The following DGKD variants were observed in gnomAD, a reference collection of about 807,000 sequenced individuals.
DGKD encodes diacylglycerol kinase delta.
DGKD carries 68 observed loss-of-function variants against 154.4 expected under a neutral mutation model. That is an observed-to-expected ratio of 0.44 (90% CI 0.36 to 0.54). The LOEUF (loss-of-function observed/expected upper bound fraction) is 0.54. Among genes scored for constraint, DGKD ranks in the 20% least tolerant of loss-of-function variants. The probability of loss-of-function intolerance (pLI) is 0.00; values close to 1 mark genes in which losing one functional copy is unlikely to be tolerated. For missense variants in DGKD, 1,343 were observed against 1,593.6 expected (o/e 0.84, Z 2.68); for synonymous variants, 693 against 638.0 (o/e 1.09, Z -1.30).
chr2:233,436,129 C>T (rs572812006), intron 6 of DGKD, among the ~76,000 whole-genome samples, 187 bp from the exon 7 acceptor site: 2 of 152,354 alleles, frequency 1.3e-5, no homozygotes, highest in East Asian at 3.9e-4. Flanking sequence ...GTCTTGTTTG[C>T]ACCTCCGACA....
At chr2:233,412,033 AG>A (rs1317303765) in intron 3 of DGKD, among the ~76,000 whole-genome samples, 3 of 152,198 alleles carry the variant, frequency 2.0e-5, no homozygotes, top group African/African-American at 2.4e-5. Flanking sequence ...GTAGTTTTAT[AG>A]GAAGTGTTGA....
intron 3 of DGKD, among the ~76,000 whole-genome samples, chr2:233,399,074 T>C (rs2061494973): frequency 6.6e-6 from 1 of 152,254 alleles, no homozygotes; most frequent in African/African-American, 2.4e-5. Flanking sequence ...GATTAATTTT[T>C]ATTGCCTCAT....
chr2:233,400,546 T>G (rs143621979), intron 3 of DGKD, among the ~76,000 whole-genome samples: 2,610 of 152,352 alleles, frequency 0.017, 30 homozygotes, highest in South Asian at 0.041. Flanking sequence ...GCCTCTCCTC[T>G]CACGGCTCTC....
chr2:233,377,078 C>CTTTTTTTTTT (rs755610624), intron 1 of DGKD, among the ~76,000 whole-genome samples: 3 of 129,314 alleles, frequency 2.3e-5, no homozygotes, highest in Admixed American at 7.8e-5. Context: ...TAGCATGTTC[C>CTTTTTTTTTT]TTTTTTTTTT....
chr2:233,460,536 T>C (rs1009145811), intron 24 of DGKD, among the ~76,000 whole-genome samples, 191 bp downstream of exon 24: 1 of 152,220 alleles, frequency 6.6e-6, no homozygotes. Flanking sequence ...AGAACTCGCC[T>C]GGAGTTTACA....
intron 3 of DGKD, among the ~76,000 whole-genome samples, chr2:233,418,868 T>C (rs1271503969): frequency 6.6e-6 from 1 of 152,230 alleles, no homozygotes; most frequent in Non-Finnish European, 1.5e-5. Context: ...TCTGACACAG[T>C]GCTGTGCGGA....
chr2:233,449,592 C>T lies in DGKD; in HGVS notation c.1888+216C>T, dbSNP rs1286315838. The stretch of plus-strand genomic sequence containing the variant: ...CAGACCCCTTCATGCTGCCTCCCCT[C>T]GACCTCTTTCCTGGCCCTCATTGAC... On this transcript the variant is annotated intron_variant, in intron 15 of 29. Transcript: ENST00000264057. This position sits in a 1 kb window ranked among gnomAD's most constrained non-coding sequence, Gnocchi z 5.3. Among the ~76,000 whole-genome samples, 2 of 152,180 alleles carry T rather than the reference C, an allele frequency of 1.3e-5. No homozygotes were observed. The highest frequency in any genetic ancestry group is 6.5e-5 in the Admixed American group (1 of 15,288).
In DGKD at chr2:233,457,435, G is replaced by A. The variant is rs1433873371; in HGVS notation, c.2580+107G>A. ...GGGGTGGATCCAGCTCTTCTGTTGT[G>A]CCAGCAGTGGGGTTGCCGTGGAGAA... On this transcript the variant is annotated intron_variant, in intron 21 of 29. Coordinates refer to ENST00000264057, the MANE Select transcript of DGKD (RefSeq NM_152879.3). This position sits in a 1 kb window ranked among gnomAD's most constrained non-coding sequence, Gnocchi z 5.5. The A allele has an allele frequency of 3.5e-6, 3 of 855,150 alleles. No individual in the cohort carries two copies. The highest frequency in any genetic ancestry group is 3.7e-5 in the Admixed American group (2 of 53,484). The allele number at this position is 855,150 out of a possible 1,614,324, so 53.0% of individuals were successfully genotyped here.
intron 28 of DGKD, 51 bp from the exon 29 acceptor site, chr2:233,468,372 T>C (rs1419688647): frequency 6.2e-7 from 1 of 1,600,488 alleles, no homozygotes; most frequent in African/African-American, 1.3e-5. Flanking sequence ...CTGCCTACCT[T>C]GCACTGGGCT....
chr2:233,461,701 C>G (rs1488552111), intron 24 of DGKD, among the ~76,000 whole-genome samples: 1 of 152,268 alleles, frequency 6.6e-6, no homozygotes, highest in Non-Finnish European at 1.5e-5. Context: ...GGTGCACTTG[C>G]ACAGCACTGC....
intron 12 of DGKD, 33 bp from the exon 13 acceptor site, chr2:233,448,054 A>AC: frequency 6.2e-7 from 1 of 1,612,840 alleles, no homozygotes; most frequent in East Asian, 2.2e-5. Flanking sequence ...TGTCACAGAG[A>AC]CCAACAGTCC....
chr2:233,356,241 G>A (rs1187190743), intron 1 of DGKD, among the ~76,000 whole-genome samples: 1 of 152,234 alleles, frequency 6.6e-6, no homozygotes, highest in Non-Finnish European at 1.5e-5. Context: ...GAAATGATCA[G>A]AAGTTGGGCC....
intron 18 of DGKD, among the ~76,000 whole-genome samples, chr2:233,454,076 C>T (rs1048844720): frequency 6.6e-6 from 1 of 152,178 alleles, no homozygotes; most frequent in African/African-American, 2.4e-5. Context: ...GGGAATAGTC[C>T]AGCAGCTCTG....
rs1051252642 is a variant in DGKD at position 233,441,649 on chromosome 2, T to G, written c.1086-238T>G. On this transcript the variant is annotated intron_variant, in intron 9 of 29. Coordinates refer to ENST00000264057, the MANE Select transcript of DGKD (RefSeq NM_152879.3). This position sits in a 1 kb window ranked among gnomAD's most constrained non-coding sequence, Gnocchi z 5.6. ...TCACCAAGCTGAGTGGTCTTGTCGC[T>G]GGGTGGGGCGTGGCTGGTGGGAGCA... 6.6e-6 allele frequency among the ~76,000 whole-genome samples: 1 copy of G among 152,122 alleles called. No homozygotes were observed. Among genetic ancestry groups the G allele is most frequent in the African/African-American group, 2.4e-5 (1 of 41,418 alleles).
intron 10 of DGKD, among the ~76,000 whole-genome samples, chr2:233,442,756 C>A (rs773027291): frequency 1.6e-4 from 25 of 152,138 alleles, no homozygotes; most frequent in Non-Finnish European, 3.7e-4. Flanking sequence ...CAGGCGCACG[C>A]TACCACGCCC....
At chr2:233,381,588 T>G (rs1041740835) in intron 1 of DGKD, among the ~76,000 whole-genome samples, 9 of 152,204 alleles carry the variant, frequency 5.9e-5, no homozygotes, top group Non-Finnish European at 1.0e-4. Context: ...CCTACTTGGG[T>G]AGTGGCTGTG....
chr2:233,462,807 C>CCCAGCA, intron 26 of DGKD, 72 bp downstream of exon 26: 1 of 1,326,088 alleles, frequency 7.5e-7, no homozygotes, highest in Non-Finnish European at 1.1e-6. Flanking sequence ...GGTTGCTGGG[C>CCCAGCA]ACACAGGGCA....
chr2:233,453,633 G>A (rs975093504), intron 18 of DGKD, among the ~76,000 whole-genome samples: 1 of 152,220 alleles, frequency 6.6e-6, no homozygotes, highest in Non-Finnish European at 1.5e-5. Flanking sequence ...GAGTTTCTTT[G>A]GGAACTTCCA....
At position 233,441,980 on chromosome 2, in the gene DGKD, C is replaced by T; in HGVS notation, c.1179C>T (p.Leu393=). 6.2e-7 allele frequency: 1 copy of T among 1,614,146 alleles called. No homozygotes were observed. ...VGWVLSEIDS[L]NLHKQCQLGV... ...GGGTCCTCTCCGAAATCGACAGCCT[C>T]AACCTTCATAAACAGGTACCAGGAC... The change falls in exon 10 of 30, where the codon CTC becomes CTT. Residue 393 remains leucine, a synonymous_variant. Transcript: ENST00000264057. This position sits in a 1 kb window ranked among gnomAD's most constrained non-coding sequence, Gnocchi z 5.6.
Sources: allele counts gnomAD v4.1 joint callset (sites outside exome capture counted in the v4.1 genomes callset), GRCh38; gene constraint gnomAD v4.1.1; non-coding constraint Gnocchi (gnomAD v3.1); transcripts MANE v1.5; gene names NCBI Gene and HGNC (gene_info 2026-07-23, HGNC 2026-07-21).